RASAL2: variants seen among roughly 807,000 people sequenced by gnomAD.
The protein encoded by RASAL2 is ras GTPase-activating protein nGAP.
In RASAL2, 58 loss-of-function variants were observed where a neutral mutation model predicts 128.9. That is an observed-to-expected ratio of 0.45 (90% CI 0.36 to 0.56). RASAL2 has a LOEUF of 0.56. Among genes scored for constraint, RASAL2 ranks in the 20% least tolerant of loss-of-function variants. The pLI is 0.00. For missense variants in RASAL2, 1,360 were observed against 1,601.6 expected, an observed-to-expected ratio of 0.85 and a Z score of 2.57; for synonymous variants, 561 against 580.8, an observed-to-expected ratio of 0.97 and a Z score of 0.49.
At position 178,094,379 on chromosome 1, in the gene RASAL2, G is replaced by C. The variant is rs1227611345; in HGVS notation, c.-114G>C. 3 of 1,035,020 alleles carry C rather than the reference G, an allele frequency of 2.9e-6. No homozygotes were observed. The African/African-American group carries it at 5.1e-5, about 18-fold the overall frequency. The allele number at this position is 1,035,020 out of a possible 1,614,324, so 64.1% of individuals were successfully genotyped here. A position where few individuals can be genotyped will look rare whatever the true frequency, so the allele number is the denominator to read the frequency against. Reference sequence around the variant, plus strand: ...AGGTGTCCGCGCCGGCTGCCGCTCGGGTCCCTGCCCTCGCTGCGCGCTCTC... The same window carrying C: ...AGGTGTCCGCGCCGGCTGCCGCTCGCGTCCCTGCCCTCGCTGCGCGCTCTC... On this transcript the variant is annotated 5_prime_UTR_variant, in exon 1 of 18. Coordinates refer to ENST00000367649, the MANE Select transcript of RASAL2 (RefSeq NM_170692.4).
chr1:178,331,307 G>C (rs960138579), intron 3 of RASAL2, among the ~76,000 whole-genome samples: 1 of 152,176 alleles, frequency 6.6e-6, no homozygotes, highest in Non-Finnish European at 1.5e-5. Context: ...GAGTAGCTGG[G>C]AGCACAGGTG....
intron 3 of RASAL2, among the ~76,000 whole-genome samples, chr1:178,312,495 C>A (rs1166886455): frequency 6.6e-6 from 1 of 152,068 alleles, no homozygotes; most frequent in Non-Finnish European, 1.5e-5. Flanking sequence ...ACATGCAAGA[C>A]TCAAAAAAGA....
At chr1:178,118,272 G>T (rs145086218) in intron 1 of RASAL2, among the ~76,000 whole-genome samples, 10 of 151,966 alleles carry the variant, frequency 6.6e-5, no homozygotes, top group Non-Finnish European at 1.2e-4. Flanking sequence ...TCCCCTCCAC[G>T]GATGGGGAGG....
chr1:178,466,063 G>A lies in RASAL2; in HGVS notation c.3531G>A (p.Glu1177=). Residue 1177 remains glutamate, a synonymous_variant, in exon 16 of 18, where the codon GAG becomes GAA. Coordinates refer to ENST00000367649, the MANE Select transcript of RASAL2 (RefSeq NM_170692.4). ...LEYKARLEDS[E]ERLRRQQEEK... ...ACAAGGCCCGACTGGAGGACAGCGA[G>A]GAGCGGCTCCGAAGACAGCAGGAAG... 5 of 1,583,056 alleles carry A rather than the reference G, an allele frequency of 3.2e-6. No homozygotes were observed. The South Asian group carries it at 5.8e-5, about 18-fold the overall frequency.
chr1:178,114,724 A>G (rs988250676), intron 1 of RASAL2, among the ~76,000 whole-genome samples: 4 of 152,068 alleles, frequency 2.6e-5, no homozygotes, highest in South Asian at 2.1e-4. Flanking sequence ...GTGTTTCACC[A>G]TGTTAGCCAG....
In RASAL2 at chr1:178,214,280, AATGAATGAATGAATGG is replaced by A. The variant is rs1317838740; in HGVS notation, c.203-69277_203-69262del. On this transcript the variant is annotated intron_variant, in intron 1 of 17. Coordinates refer to ENST00000367649, the MANE Select transcript of RASAL2 (RefSeq NM_170692.4). ...CTGAGTGAGAACCTTAGAATGAATGAATGAATGAATGAATGGATGAATAAATAAATAAATAATTTCA... is the reference window on the plus strand; with the variant it reads ...CTGAGTGAGAACCTTAGAATGAATGAATGAATAAATAAATAAATAATTTCA... 2.9e-3 allele frequency among the ~76,000 whole-genome samples: 443 copies of A among 152,250 alleles called. 2 individuals are homozygous for A. The highest frequency in any genetic ancestry group is 9.7e-3 in the African/African-American group (402 of 41,540).
intron 3 of RASAL2, among the ~76,000 whole-genome samples, chr1:178,370,790 C>G (rs972766911): frequency 6.6e-6 from 1 of 152,022 alleles, no homozygotes; most frequent in African/African-American, 2.4e-5. Flanking sequence ...GGTCCATGTC[C>G]TCAGGGAACT....
intron 4 of RASAL2, among the ~76,000 whole-genome samples, chr1:178,409,622 C>T (rs1213897337): frequency 6.6e-6 from 1 of 152,166 alleles, no homozygotes; most frequent in Non-Finnish European, 1.5e-5. Context: ...CCAGATGATA[C>T]TATATCTTAT....
At chr1:178,451,758 G>T in intron 10 of RASAL2, 43 bp downstream of exon 10, 1 of 1,576,428 alleles carries the variant, frequency 6.3e-7, no homozygotes, top group East Asian at 2.2e-5. Flanking sequence ...TTCATGTAAA[G>T]GTCATCACAG....
chr1:178,139,014 CTTG>C (rs1236516956), intron 1 of RASAL2, among the ~76,000 whole-genome samples: 1 of 151,860 alleles, frequency 6.6e-6, no homozygotes, highest in Non-Finnish European at 1.5e-5. Context: ...AGGTAAATTC[CTTG>C]TTGTTATAGA....
At chr1:178,462,809 C>T (rs16852857) in intron 14 of RASAL2, among the ~76,000 whole-genome samples, 10,075 of 152,156 alleles carry the variant, frequency 0.066, 1,069 homozygotes, top group African/African-American at 0.22. Flanking sequence ...TTAGTGTGTA[C>T]GGGTCTATTT....
intron 1 of RASAL2, among the ~76,000 whole-genome samples, chr1:178,273,826 G>A (rs1273509731): frequency 2.0e-5 from 3 of 152,138 alleles, no homozygotes; most frequent in Non-Finnish European, 4.4e-5. Flanking sequence ...TGTATTGTAG[G>A]TGTTTGTTTC....
At chr1:178,295,960 G>A (rs958565306) in intron 2 of RASAL2, among the ~76,000 whole-genome samples, 3 of 152,060 alleles carry the variant, frequency 2.0e-5, no homozygotes, top group African/African-American at 7.2e-5. Flanking sequence ...TAATCTGTAT[G>A]AGTTTAGATT....
chr1:178,373,267 TTC>T (rs1454791954), intron 3 of RASAL2, among the ~76,000 whole-genome samples: 2 of 141,240 alleles, frequency 1.4e-5, no homozygotes, highest in Non-Finnish European at 3.0e-5. Flanking sequence ...AGCATTCTGT[TTC>T]TTTCCTTTTT....
chr1:178,362,548 A>T (rs1671178857), intron 3 of RASAL2, among the ~76,000 whole-genome samples: 1 of 149,356 alleles, frequency 6.7e-6, no homozygotes, highest in Admixed American at 6.8e-5. Context: ...AGTATAAAAT[A>T]TTATTAACCA....
intron 1 of RASAL2, among the ~76,000 whole-genome samples, chr1:178,157,176 T>G (rs1398913334): frequency 6.6e-6 from 1 of 152,218 alleles, no homozygotes; most frequent in African/African-American, 2.4e-5. Flanking sequence ...TTTCTGAGTC[T>G]TGATAATTTT....
In RASAL2 at chr1:178,475,682, G is replaced by T. The variant is rs534762983; in HGVS notation, c.*2443G>T. The T allele has an allele frequency of 2.6e-5, 4 of 152,216 alleles. No homozygotes were observed. Among genetic ancestry groups the T allele is most frequent in the Non-Finnish European group, 5.9e-5 (4 of 68,038 alleles). The allele number at this position is 152,216 out of a possible 1,614,324, so 9.4% of individuals were successfully genotyped here. A position where few individuals can be genotyped will look rare whatever the true frequency, so the allele number is the denominator to read the frequency against. ...CAAAAAATCAAATGTGCTTTTGATG[G>T]ATAGAGTGTATCTTATTAGCATTAT... On this transcript the variant is annotated 3_prime_UTR_variant, in exon 18 of 18. Transcript: ENST00000367649.
At chr1:178,226,791 C>A (rs1388838863) in intron 1 of RASAL2, among the ~76,000 whole-genome samples, 1 of 151,990 alleles carries the variant, frequency 6.6e-6, no homozygotes, top group African/African-American at 2.4e-5. Context: ...AATACAAAAA[C>A]TAGCCAGGTG....
At chr1:178,295,137 AT>A (rs1341956678) in intron 2 of RASAL2, among the ~76,000 whole-genome samples, 5 of 152,226 alleles carry the variant, frequency 3.3e-5, no homozygotes, top group East Asian at 1.9e-4. Context: ...CCAAGGACTA[AT>A]AAGTGAATAA....
Sources: gnomAD v4.1 joint callset for allele counts (sites outside exome capture counted in the v4.1 genomes callset) on GRCh38, gnomAD v4.1.1 for gene constraint, MANE v1.5 for transcripts, NCBI Gene and HGNC (gene_info 2026-07-23, HGNC 2026-07-21) for gene names.